Variants in ASIC2 observed in about 807,000 individuals in gnomAD.
ASIC2 encodes the protein acid sensing ion channel subunit 2.
A neutral mutation model predicts 57.3 loss-of-function variants in ASIC2; 25 were observed. The ratio of observed to expected loss-of-function variants is 0.44; its 90% CI spans 0.32 to 0.61. The LOEUF (loss-of-function observed/expected upper bound fraction) is 0.61. ASIC2 is among the 20% of genes least tolerant of loss of function. The pLI, the probability that ASIC2 is intolerant of heterozygous loss-of-function variation, is 0.06. For synonymous variants in ASIC2, 319 were observed against 307.5 expected, an observed-to-expected ratio of 1.04 and a Z score of -0.39; for missense variants, 641 against 738.1, an observed-to-expected ratio of 0.87 and a Z score of 1.52.
chr17:34,005,822 G>A (rs1487799758), intron 1 of ASIC2: 6 of 152,224 alleles, frequency 3.9e-5, no homozygotes, highest in Non-Finnish European at 8.8e-5. Flanking sequence ...CTGGAGAAAA[G>A]ATCATACTCA....
At chr17:33,770,557 G>A (rs1001690299) in intron 1 of ASIC2, among the ~76,000 whole-genome samples, 1 of 152,146 alleles carries the variant, frequency 6.6e-6, no homozygotes, top group African/African-American at 2.4e-5. Flanking sequence ...ACTGTTTGAT[G>A]ATGCTAATTT....
At chr17:33,954,222 A>C (rs1442361900) in intron 1 of ASIC2, among the ~76,000 whole-genome samples, 3 of 152,344 alleles carry the variant, frequency 2.0e-5, no homozygotes, top group Non-Finnish European at 2.9e-5. Flanking sequence ...ATGCAAGGCC[A>C]GGCAAAACCG....
intron 1 of ASIC2, among the ~76,000 whole-genome samples, chr17:33,991,040 A>G (rs1905986120): frequency 6.6e-6 from 1 of 152,242 alleles, no homozygotes; most frequent in African/African-American, 2.4e-5. Flanking sequence ...TTCTAACTCA[A>G]ACAGCTTCTA....
At chr17:34,146,460 C>A (rs192826240) in intron 1 of ASIC2, among the ~76,000 whole-genome samples, 7 of 151,816 alleles carry the variant, frequency 4.6e-5, no homozygotes, top group Non-Finnish European at 7.4e-5. Flanking sequence ...AGCCTAGAAG[C>A]GGGAAGGGGA....
chr17:33,799,443 T>TTCTTTCTTTC (rs1555562532), intron 1 of ASIC2, among the ~76,000 whole-genome samples: 1 of 78,530 alleles, frequency 1.3e-5, no homozygotes, highest in Non-Finnish European at 2.7e-5. Flanking sequence ...TCTTTCTTTC[T>TTCTTTCTTTC]TTCTTTCTTT....
At chr17:33,622,819 C>T (rs562943203) in intron 1 of ASIC2, among the ~76,000 whole-genome samples, 2 of 152,148 alleles carry the variant, frequency 1.3e-5, no homozygotes, top group African/African-American at 4.8e-5. Flanking sequence ...CAACCTGAAC[C>T]GAACATTGCC....
At chr17:33,158,500 T>C (rs2142036672) in intron 1 of ASIC2, among the ~76,000 whole-genome samples, 1 of 152,306 alleles carries the variant, frequency 6.6e-6, no homozygotes, top group South Asian at 2.1e-4. Context: ...TGTGGATCGC[T>C]GTGAATGCCA....
At chr17:33,768,094 C>T (rs58034389) in intron 1 of ASIC2, among the ~76,000 whole-genome samples, 11,508 of 152,036 alleles carry the variant, frequency 0.076, 553 homozygotes, top group East Asian at 0.25. Context: ...CTGCAAGCTC[C>T]GCCTCCTGGG....
At chr17:33,197,585 T>C (rs1327733411) in intron 1 of ASIC2, among the ~76,000 whole-genome samples, 1 of 152,240 alleles carries the variant, frequency 6.6e-6, no homozygotes, top group East Asian at 1.9e-4. Flanking sequence ...GGGTGGACCT[T>C]GGCATTGATG....
intron 1 of ASIC2, among the ~76,000 whole-genome samples, chr17:34,021,963 G>A (rs955807241): frequency 1.7e-4 from 26 of 149,524 alleles, no homozygotes; most frequent in Non-Finnish European, 3.4e-4. Context: ...TCAGCCTCCC[G>A]AGTAGCTGGG....
chr17:33,637,973 G>T (rs1374212891), intron 1 of ASIC2, among the ~76,000 whole-genome samples: 1 of 152,152 alleles, frequency 6.6e-6, no homozygotes, highest in African/African-American at 2.4e-5. Context: ...ATGGAAAATG[G>T]TTCTTGTGTA....
intron 1 of ASIC2, among the ~76,000 whole-genome samples, chr17:33,464,719 A>T (rs1031028592): frequency 6.9e-6 from 1 of 144,600 alleles, no homozygotes; most frequent in Non-Finnish European, 1.5e-5. Context: ...ATATATGTAT[A>T]TAACATTATC....
At chr17:33,615,326 A>C (rs1366942768) in intron 1 of ASIC2, among the ~76,000 whole-genome samples, 1 of 152,228 alleles carries the variant, frequency 6.6e-6, no homozygotes, top group Non-Finnish European at 1.5e-5. Context: ...TTCTTTCACC[A>C]AAAGTGGGTG....
intron 1 of ASIC2, among the ~76,000 whole-genome samples, chr17:33,260,836 C>A (rs369874249): frequency 7.9e-5 from 12 of 152,154 alleles, no homozygotes; most frequent in Admixed American, 5.9e-4. Flanking sequence ...AGCCCCAGTG[C>A]GTCTGCATGT....
At chr17:33,164,972 C>T (rs1905265806) in intron 1 of ASIC2, among the ~76,000 whole-genome samples, 4 of 152,198 alleles carry the variant, frequency 2.6e-5, no homozygotes, top group Admixed American at 2.6e-4. Context: ...GCCTCCCTTC[C>T]TCTCTGCTTA....
intron 3 of ASIC2, among the ~76,000 whole-genome samples, chr17:33,036,667 T>C (rs1414200520): frequency 6.6e-6 from 1 of 152,162 alleles, no homozygotes; most frequent in African/African-American, 2.4e-5. Flanking sequence ...CTCTGCCTCC[T>C]AAAGCACTAG....
intron 1 of ASIC2, among the ~76,000 whole-genome samples, chr17:33,783,916 G>A (rs1171555251): frequency 6.6e-6 from 1 of 152,206 alleles, no homozygotes; most frequent in Non-Finnish European, 1.5e-5. Flanking sequence ...GTGAGGAACC[G>A]ACTTTCTACG....
At chr17:33,564,937 G>A (rs146351519) in intron 1 of ASIC2, among the ~76,000 whole-genome samples, 358 of 152,274 alleles carry the variant, frequency 2.4e-3, no homozygotes, top group African/African-American at 8.0e-3. Flanking sequence ...CCATCCCTTC[G>A]TTTCCCATAA....
intron 1 of ASIC2, among the ~76,000 whole-genome samples, chr17:33,820,057 G>A (rs887806250): frequency 6.6e-6 from 1 of 152,160 alleles, no homozygotes; most frequent in African/African-American, 2.4e-5. Flanking sequence ...AGAGGCCCCA[G>A]CTGCCCAATA....
Sources: allele counts gnomAD v4.1 joint callset (sites outside exome capture counted in the v4.1 genomes callset), GRCh38; gene constraint gnomAD v4.1.1; transcripts MANE v1.5; gene names NCBI Gene and HGNC (gene_info 2026-07-23, HGNC 2026-07-21).